Variants in RGS12 observed in about 807,000 individuals in gnomAD.
RGS12 encodes regulator of G protein signaling 12.
A neutral mutation model predicts 120.1 loss-of-function variants in RGS12; 66 were observed. That is an observed-to-expected ratio of 0.55 (90% confidence interval 0.45 to 0.67). The LOEUF is 0.67. RGS12 is among the 30% of genes least tolerant of loss of function. The probability of loss-of-function intolerance (pLI) is 0.00; values close to 1 mark genes in which losing one functional copy is unlikely to be tolerated. For synonymous variants in RGS12, 827 were observed against 804.7 expected, an observed-to-expected ratio of 1.03 and a Z score of -0.47; for missense variants, 1,859 against 1,957.7, an observed-to-expected ratio of 0.95 and a Z score of 0.95.
At chr4:3,334,478 C>G (rs895015787) in intron 2 of RGS12, among the ~76,000 whole-genome samples, 1 of 152,130 alleles carries the variant, frequency 6.6e-6, no homozygotes, top group African/African-American at 2.4e-5. Context: ...CTATCTCGTA[C>G]TTTCCCTTCT....
intron 6 of RGS12, among the ~76,000 whole-genome samples, chr4:3,415,550 T>A (rs1377457235): frequency 6.6e-6 from 1 of 152,176 alleles, no homozygotes; most frequent in African/African-American, 2.4e-5. Flanking sequence ...AGGAGAAGCC[T>A]GGGAGAGACG....
intron 3 of RGS12, among the ~76,000 whole-genome samples, chr4:3,376,561 A>G (rs958194674): frequency 1.3e-5 from 2 of 152,220 alleles, no homozygotes; most frequent in Admixed American, 1.3e-4. Context: ...CACTGTGTCC[A>G]CACACAGACT....
chr4:3,287,059 G>T, the RGS12 span, among the ~76,000 whole-genome samples: 1 of 152,146 alleles, frequency 6.6e-6, no homozygotes, highest in East Asian at 1.9e-4. Flanking sequence ...GGAAGACAGA[G>T]AAAAAGGGGC....
chr4:3,416,521 CTGCGGCACG>C (rs763761736), intron 7 of RGS12, among the ~76,000 whole-genome samples: 2 of 152,210 alleles, frequency 1.3e-5, no homozygotes, highest in Non-Finnish European at 2.9e-5. Flanking sequence ...GTGCATGTCG[CTGCGGCACG>C]TGGGTCACGT....
At chr4:3,423,953 G>C (rs1007903869) in intron 13 of RGS12, 1 of 284,618 alleles carries the variant, frequency 3.5e-6, no homozygotes, top group Non-Finnish European at 6.9e-6. Context: ...GTTGGCCAAT[G>C]TGATCAGATA....
At chr4:3,290,609 C>T (rs2110337245), upstream of RGS12, among the ~76,000 whole-genome samples, 1 of 152,396 alleles carries the variant, frequency 6.6e-6, no homozygotes, top group Non-Finnish European at 1.5e-5. Flanking sequence ...ACTTGTTCAA[C>T]TCAGGAGTGC....
At chr4:3,364,468 TG>T (rs1467078791) in intron 3 of RGS12, among the ~76,000 whole-genome samples, 1 of 152,132 alleles carries the variant, frequency 6.6e-6, no homozygotes, top group Non-Finnish European at 1.5e-5. Flanking sequence ...TCAGTAGAGC[TG>T]GGCCAGGCAA....
chr4:3,397,127 C>T (rs1247285789), intron 4 of RGS12, among the ~76,000 whole-genome samples: 3 of 152,140 alleles, frequency 2.0e-5, no homozygotes, highest in African/African-American at 4.8e-5. Context: ...AATGCATCAC[C>T]CTCAAATAGA....
chr4:3,379,512 C>T (rs1044698665), intron 3 of RGS12, among the ~76,000 whole-genome samples: 7 of 152,046 alleles, frequency 4.6e-5, no homozygotes, highest in African/African-American at 1.7e-4. Flanking sequence ...TTTAATATTA[C>T]CTGTTGTATT....
intron 4 of RGS12, among the ~76,000 whole-genome samples, chr4:3,400,063 C>G (rs927706058): frequency 6.6e-6 from 1 of 152,168 alleles, no homozygotes; most frequent in Non-Finnish European, 1.5e-5. Flanking sequence ...TGATCTTCCA[C>G]AAGGGGGGGC....
intron 3 of RGS12, among the ~76,000 whole-genome samples, chr4:3,373,903 C>G (rs553180642): frequency 3.3e-5 from 5 of 152,196 alleles, no homozygotes; most frequent in Non-Finnish European, 7.3e-5. Flanking sequence ...TAATACATTT[C>G]TATTTTCACC....
Position 3,417,004 on chromosome 4 carries a change from C to T in RGS12, c.2519C>T (p.Ala840Val), listed in dbSNP as rs899473175. 33 of 1,613,278 alleles carry T rather than the reference C, an allele frequency of 2.0e-5. No homozygotes were observed. The highest frequency in any genetic ancestry group is 2.6e-5 in the Non-Finnish European group (31 of 1,179,812). ...ATCCTGGCGGAAGTGGAGGGCCGTG[C>T]ACTCCCGGACTCGCAGCAGGTCCCC... is the stretch of plus-strand genomic sequence containing the variant. ...ECILAEVEGR[A>V]LPDSQQVPSS... is the part of the protein sequence containing the mutation. Residue 840 changes from alanine (A) to valine (V), a missense_variant, in exon 8 of 18, where the codon GCA becomes GTA. Coordinates refer to ENST00000336727, the MANE Select transcript of RGS12 (RefSeq NM_001394154.1).
At position 3,399,504 on chromosome 4, in the gene RGS12, A is replaced by G. The variant is rs567345930; in HGVS notation, c.2020+13067A>G. 2.1e-3 allele frequency among the ~76,000 whole-genome samples: 319 copies of G among 152,320 alleles called. 1 individual carries two copies. The highest frequency in any genetic ancestry group is 3.3e-3 in the Non-Finnish European group (225 of 68,020). The stretch of plus-strand genomic sequence containing the variant: ...GGACAAAGATAACATCAAGAATGAA[A>G]GACAGGTCCTAAGTACAGTTAGAGA... On this transcript the variant is annotated intron_variant, in intron 4 of 17. Transcript: ENST00000336727.
At chr4:3,428,795 T>A in intron 16 of RGS12, 84 bp downstream of exon 16, 1 of 1,244,754 alleles carries the variant, frequency 8.0e-7, no homozygotes, top group Non-Finnish European at 1.1e-6. Flanking sequence ...CTTTGAGCTG[T>A]CAGCATCTGG....
chr4:3,388,090 C>A (rs1719045668), intron 4 of RGS12, among the ~76,000 whole-genome samples: 1 of 152,134 alleles, frequency 6.6e-6, no homozygotes, highest in African/African-American at 2.4e-5. Context: ...ACGCAGAGAT[C>A]CCCTGGTGCT....
chr4:3,375,870 G>A (rs1216906323), intron 3 of RGS12, among the ~76,000 whole-genome samples: 2 of 152,240 alleles, frequency 1.3e-5, no homozygotes, highest in Non-Finnish European at 2.9e-5. Context: ...TTTCCTTGCG[G>A]GGGGTTGGCA....
chr4:3,320,402 G>A (rs1012617192), intron 2 of RGS12, among the ~76,000 whole-genome samples: 1 of 152,200 alleles, frequency 6.6e-6, no homozygotes, highest in Non-Finnish European at 1.5e-5. Context: ...TGTCCTCAGG[G>A]TTGGAAATAA....
At chr4:3,387,386 AC>A (rs1391185410) in intron 4 of RGS12, among the ~76,000 whole-genome samples, 1 of 152,196 alleles carries the variant, frequency 6.6e-6, no homozygotes, top group Middle Eastern at 3.2e-3. Flanking sequence ...AGGTAGGCAG[AC>A]AGAGCTCAGA....
rs971493858 is a variant in RGS12 at position 3,408,654 on chromosome 4, G to C, written c.2021-5418G>C. Among the ~76,000 whole-genome samples the C allele has an allele frequency of 1.1e-4, 17 of 152,308 alleles. 2 individuals carry two copies. The highest frequency in any genetic ancestry group is 5.2e-4 in the Admixed American group (8 of 15,304). ...TCAGGAGGGTCCACGTGCCCAGCAG[G>C]TCCCGTCTGTGCCCTCGGGAAGCTG... On this transcript the variant is annotated intron_variant, in intron 4 of 17. Transcript: ENST00000336727.
Sources: allele counts gnomAD v4.1 joint callset (sites outside exome capture counted in the v4.1 genomes callset), GRCh38; gene constraint gnomAD v4.1.1; transcripts MANE v1.5; gene names NCBI Gene and HGNC (gene_info 2026-07-23, HGNC 2026-07-21).